MEF2C: variants seen among roughly 807,000 people sequenced by gnomAD.
MEF2C encodes the protein myocyte enhancer factor 2C, also known as myocyte-specific enhancer factor 2C.
MEF2C carries 6 observed loss-of-function variants against 50.5 expected under a neutral mutation model. The ratio of observed to expected loss-of-function variants is 0.12; its 90% CI spans 0.07 to 0.23. MEF2C has a LOEUF of 0.23. Ranked by LOEUF, MEF2C falls within the 10% of genes least tolerant of loss-of-function variation. The pLI, the probability that MEF2C is intolerant of heterozygous loss-of-function variation, is 1.00. For synonymous variants in MEF2C, 183 were observed against 228.0 expected, an observed-to-expected ratio of 0.80 and a Z score of 1.78; for missense variants, 276 against 605.0, an observed-to-expected ratio of 0.46 and a Z score of 5.70.
chr5:88,874,987 T>G (rs184495706), intron 1 of MEF2C, among the ~76,000 whole-genome samples: 1 of 151,966 alleles, frequency 6.6e-6, no homozygotes, highest in Non-Finnish European at 1.5e-5. Context: ...AAATGAGAAT[T>G]CTACTGATTG....
At chr5:88,727,790 T>G (rs1328144279) in intron 10 of MEF2C, among the ~76,000 whole-genome samples, 1 of 129,994 alleles carries the variant, frequency 7.7e-6, no homozygotes, top group Non-Finnish European at 1.8e-5. Context: ...TGATTTGTTT[T>G]ATATGAAATA....
At chr5:88,746,365 G>T in intron 6 of MEF2C, 3 of 274,968 alleles carry the variant, frequency 1.1e-5, no homozygotes, top group Non-Finnish European at 1.7e-5. Flanking sequence ...TTACCTTTTT[G>T]GTCTTTTAGT....
upstream of MEF2C, among the ~76,000 whole-genome samples, chr5:88,887,774 T>G (rs72773823): frequency 6.8e-3 from 1,041 of 152,340 alleles, 15 homozygotes; most frequent in Non-Finnish European, 8.6e-3. Context: ...ATAATAATCT[T>G]TAACATAAAT....
chr5:88,750,412 T>C (rs1433782207), intron 5 of MEF2C, among the ~76,000 whole-genome samples: 2 of 152,018 alleles, frequency 1.3e-5, no homozygotes, highest in African/African-American at 4.8e-5. Flanking sequence ...TTCTCTATGT[T>C]GCCCAGGCTG....
intron 3 of MEF2C, among the ~76,000 whole-genome samples, chr5:88,770,285 C>T (rs1242705317): frequency 6.6e-6 from 1 of 152,164 alleles, no homozygotes; most frequent in Non-Finnish European, 1.5e-5. Flanking sequence ...CATGTTGGAG[C>T]ATCTTTCATA....
chr5:88,821,437 T>C (rs186747637), intron 2 of MEF2C, among the ~76,000 whole-genome samples: 7 of 151,988 alleles, frequency 4.6e-5, no homozygotes, highest in Admixed American at 4.6e-4. Flanking sequence ...TTTTTTTAAC[T>C]TTTTAAAATA....
intron 1 of MEF2C, among the ~76,000 whole-genome samples, chr5:88,872,786 C>A (rs868295705): frequency 2.0e-5 from 3 of 151,908 alleles, no homozygotes; most frequent in South Asian, 4.1e-4. Flanking sequence ...AAAACACCTG[C>A]CTAAAACCAC....
chr5:88,720,435 T>A lies in MEF2C; in HGVS notation c.*2169A>T, dbSNP rs1755929620. ...TTGTGGTCTAATTGTGGATTTCAGATCAAGTTAAGAAAAATATAGCCTAGT... is the reference window on the plus strand; with the variant it reads ...TTGTGGTCTAATTGTGGATTTCAGAACAAGTTAAGAAAAATATAGCCTAGT... On this transcript the variant is annotated 3_prime_UTR_variant, in exon 11 of 11. Transcript: ENST00000504921. 1 of 152,464 alleles carries A rather than the reference T, an allele frequency of 6.6e-6. No homozygotes were observed. The highest frequency in any genetic ancestry group is 1.5e-5 in the Non-Finnish European group (1 of 67,980). 9.4% of individuals were successfully genotyped at this position (152,464 alleles called of 1,614,324 possible).
chr5:88,857,124 T>C (rs1823714492), intron 1 of MEF2C, among the ~76,000 whole-genome samples: 1 of 152,228 alleles, frequency 6.6e-6, no homozygotes, highest in African/African-American at 2.4e-5. Flanking sequence ...GCCCACCTTT[T>C]GCATCAGCAT....
At chr5:88,730,577 T>C (rs1309372381) in intron 7 of MEF2C, among the ~76,000 whole-genome samples, 1 of 152,178 alleles carries the variant, frequency 6.6e-6, no homozygotes. Context: ...GAGAGGGACC[T>C]AACTGACCCA....
chr5:88,840,312 C>G (rs1340140965), intron 1 of MEF2C, among the ~76,000 whole-genome samples: 1 of 152,228 alleles, frequency 6.6e-6, no homozygotes, highest in Non-Finnish European at 1.5e-5. Context: ...ATCACGTCCT[C>G]ATGTCATACA....
chr5:88,850,286 T>C (rs1820852082), intron 1 of MEF2C, among the ~76,000 whole-genome samples: 1 of 152,180 alleles, frequency 6.6e-6, no homozygotes, highest in African/African-American at 2.4e-5. Flanking sequence ...TTCTATTCAT[T>C]TTACATATAT....
chr5:88,731,533 T>G, intron 7 of MEF2C, 196 bp downstream of exon 7: 1 of 531,380 alleles, frequency 1.9e-6, no homozygotes. Context: ...TATATATATT[T>G]TTTTTACACG....
intron 1 of MEF2C, chr5:88,892,214 C>A (rs1476829243): frequency 3.3e-5 from 5 of 152,150 alleles, no homozygotes; most frequent in African/African-American, 9.7e-5. Context: ...TGGCTGACAA[C>A]CGAGAAGGCT....
At chr5:88,785,594 T>G (rs1790467030) in intron 3 of MEF2C, 1 of 152,198 alleles carries the variant, frequency 6.6e-6, no homozygotes, top group African/African-American at 2.4e-5. Context: ...ATTTTCTTGC[T>G]GTGAAACTCC....
At chr5:88,795,446 G>C (rs1341665304) in intron 3 of MEF2C, among the ~76,000 whole-genome samples, 2 of 152,072 alleles carry the variant, frequency 1.3e-5, no homozygotes, top group Admixed American at 6.6e-5. Context: ...CTGTTTATCT[G>C]TTATTGGTGT....
chr5:88,729,397 A>G (rs774824698), intron 8 of MEF2C, 50 bp from the exon 9 acceptor site: 8 of 1,461,876 alleles, frequency 5.5e-6, no homozygotes, highest in Non-Finnish European at 7.5e-6. Context: ...TTAAAAGTTA[A>G]AAATATTAGA....
intron 7 of MEF2C, among the ~76,000 whole-genome samples, chr5:88,730,740 A>G (rs1322860383): frequency 1.3e-5 from 2 of 152,172 alleles, no homozygotes; most frequent in African/African-American, 2.4e-5. Flanking sequence ...GGAATGTTGC[A>G]TATTATGTGA....
At chr5:88,733,533 GC>G in intron 6 of MEF2C, 1 of 985,320 alleles carries the variant, frequency 1.0e-6, no homozygotes, top group Non-Finnish European at 1.2e-6. Flanking sequence ...TACTTTGATG[GC>G]CTGAGATAGA....
Sources: allele counts gnomAD v4.1 joint callset (sites outside exome capture counted in the v4.1 genomes callset), GRCh38; gene constraint gnomAD v4.1.1; transcripts MANE v1.5; gene names NCBI Gene and HGNC (gene_info 2026-07-23, HGNC 2026-07-21).